PCDHA2: variants seen among roughly 807,000 people sequenced by gnomAD.
PCDHA2 encodes protocadherin alpha-2.
In PCDHA2, 58 loss-of-function variants were observed where a neutral mutation model predicts 66.0. That is an observed-to-expected ratio of 0.88 (90% CI 0.71 to 1.09). The LOEUF (loss-of-function observed/expected upper bound fraction) is 1.09, where lower values mean the gene tolerates loss of function less well. Among genes scored for constraint, PCDHA2 ranks in the 50% least tolerant of loss-of-function variants. PCDHA2 has a pLI of 0.00. For missense variants in PCDHA2, 1,267 were observed against 1,242.3 expected, an observed-to-expected ratio of 1.02 and a Z score of -0.30; for synonymous variants, 634 against 554.0, an observed-to-expected ratio of 1.14 and a Z score of -2.03.
intron 3 of PCDHA2, among the ~76,000 whole-genome samples, chr5:141,002,380 G>T (rs1284047266): frequency 2.0e-5 from 3 of 152,196 alleles, no homozygotes; most frequent in Non-Finnish European, 2.9e-5. Context: ...CTGGCTTAGG[G>T]CTCCTGCTGG....
intron 1 of PCDHA2, among the ~76,000 whole-genome samples, chr5:140,905,634 C>T (rs1554192107): frequency 6.6e-6 from 1 of 152,168 alleles, no homozygotes; most frequent in African/African-American, 2.4e-5. Context: ...ACAGTATGGT[C>T]AGTTTCACAG....
At chr5:140,854,823 T>C (rs1007254376) in intron 1 of PCDHA2, among the ~76,000 whole-genome samples, 1 of 149,812 alleles carries the variant, frequency 6.7e-6, no homozygotes, top group Non-Finnish European at 1.5e-5. Flanking sequence ...CAAGTGGTGA[T>C]GAAAAACTTC....
In PCDHA2 at chr5:140,795,841, T is replaced by C. The variant is rs201828641; in HGVS notation, c.877T>C (p.Phe293Leu). ...SDVSSTIQTK[F>L]TIDPISGEIR... ...TGTGTCCTCCACTATACAGACTAAG[T>C]TTACCATAGATCCCATCTCAGGGGA... Residue 293 changes from phenylalanine (F) to leucine (L), a missense_variant, in exon 1 of 4, where the codon TTT (phenylalanine) becomes CTT (leucine). Coordinates refer to ENST00000526136, the MANE Select transcript of PCDHA2 (RefSeq NM_018905.3). The C allele has an allele frequency of 5.1e-5, 83 of 1,613,740 alleles. 1 individual carries two copies. Among genetic ancestry groups the C allele is most frequent in the Non-Finnish European group, 3.1e-5 (36 of 1,179,978 alleles).
At chr5:140,984,405 C>T (rs782109046) in intron 3 of PCDHA2, among the ~76,000 whole-genome samples, 1 of 152,114 alleles carries the variant, frequency 6.6e-6, no homozygotes, top group Non-Finnish European at 1.5e-5. Context: ...GAGAACCTAT[C>T]TTTTTTACAG....
chr5:140,967,034 C>T (rs782810130), intron 1 of PCDHA2: 9 of 1,610,726 alleles, frequency 5.6e-6, no homozygotes, highest in Non-Finnish European at 2.5e-6. Flanking sequence ...TCCGCGCTAC[C>T]TGGAGCTGGA....
chr5:140,835,504 T>A (rs2150237021), intron 1 of PCDHA2: 1 of 1,613,936 alleles, frequency 6.2e-7, no homozygotes, highest in African/African-American at 1.3e-5. Flanking sequence ...TTGATTAGCG[T>A]GTTTGACCGA....
chr5:140,807,757 A>T (rs1319661297), intron 1 of PCDHA2: 1 of 1,614,068 alleles, frequency 6.2e-7, no homozygotes. Flanking sequence ...AGCTGGTAAA[A>T]GGTCTTGGGC....
chr5:140,985,273 T>C (rs1554246915), intron 3 of PCDHA2, among the ~76,000 whole-genome samples: 1 of 152,178 alleles, frequency 6.6e-6, no homozygotes, highest in African/African-American at 2.4e-5. Context: ...GGACTACTTT[T>C]CTGCAATCTA....
chr5:140,849,506 T>C, intron 1 of PCDHA2: 1 of 1,596,374 alleles, frequency 6.3e-7, no homozygotes, highest in African/African-American at 1.4e-5. Context: ...GTACACTTCT[T>C]GTGGAAGTTG....
At chr5:140,889,101 T>TCC in intron 1 of PCDHA2, among the ~76,000 whole-genome samples, 1 of 152,074 alleles carries the variant, frequency 6.6e-6, no homozygotes, top group East Asian at 1.9e-4. Context: ...AATTTTTTCA[T>TCC]CTTTATTCCA....
chr5:140,841,175 A>C, intron 1 of PCDHA2: 2 of 1,071,562 alleles, frequency 1.9e-6, no homozygotes, highest in Non-Finnish European at 2.7e-6. Context: ...CTGGTTGGTC[A>C]ATGTTCAAAG....
intron 1 of PCDHA2, chr5:140,868,337 C>T (rs1380091281): frequency 1.3e-5 from 2 of 151,836 alleles, no homozygotes; most frequent in African/African-American, 2.4e-5. Context: ...TATAAAGTCA[C>T]TTATAATCAG....
chr5:140,841,952 T>C (rs1323540473), intron 1 of PCDHA2: 1 of 1,613,914 alleles, frequency 6.2e-7, no homozygotes, highest in African/African-American at 1.3e-5. Flanking sequence ...GCACCACTTA[T>C]TCCTGACAGC....
At chr5:140,966,758 C>T in intron 1 of PCDHA2, 1 of 1,445,334 alleles carries the variant, frequency 6.9e-7, no homozygotes, top group South Asian at 1.5e-5. Flanking sequence ...TCCGCCGCGG[C>T]CAGTGGCTAT....
rs138948867 is a variant in PCDHA2, at chr5:140,849,674, C to A, written c.2388+52322C>A. 2.5e-6 allele frequency: 4 copies of A among 1,598,602 alleles called. 1 individual carries two copies. Among genetic ancestry groups the A allele is most frequent in the Non-Finnish European group, 3.4e-6 (4 of 1,168,020 alleles). ...TTACCTGCTCCCTGACGCCCCACGT[C>A]CCCTTCAAGCTGGTGTCCACCTACA... On this transcript the variant is annotated intron_variant, in intron 1 of 3. Coordinates refer to ENST00000526136, the MANE Select transcript of PCDHA2 (RefSeq NM_018905.3).
At chr5:140,805,172 T>A in intron 1 of PCDHA2, 1 of 1,515,330 alleles carries the variant, frequency 6.6e-7, no homozygotes, top group Non-Finnish European at 8.8e-7. Context: ...GATGTACTGA[T>A]GCTATGCCAA....
chr5:140,869,499 G>A, intron 1 of PCDHA2: 8 of 1,614,196 alleles, frequency 5.0e-6, no homozygotes, highest in Non-Finnish European at 5.9e-6. Context: ...ACCCGCCGGT[G>A]TTCTCGCTCA....
At chr5:140,829,527 C>T (rs113031368) in intron 1 of PCDHA2, 1 of 1,613,148 alleles carries the variant, frequency 6.2e-7, no homozygotes, top group African/African-American at 1.3e-5. Flanking sequence ...ACGGTGTCTG[C>T]GCGAGACGCG....
intron 1 of PCDHA2, among the ~76,000 whole-genome samples, chr5:140,909,448 C>A (rs547019806): frequency 6.6e-6 from 1 of 152,284 alleles, no homozygotes; most frequent in South Asian, 2.1e-4. Context: ...TGTCATTCTC[C>A]AAGATCCATC....
Sources: allele counts gnomAD v4.1 joint callset (sites outside exome capture counted in the v4.1 genomes callset), GRCh38; gene constraint gnomAD v4.1.1; transcripts MANE v1.5; gene names NCBI Gene and HGNC (gene_info 2026-07-23, HGNC 2026-07-21).